Variants in PDE4D observed in about 807,000 individuals in gnomAD.
PDE4D encodes phosphodiesterase 4D.
In PDE4D, 24 loss-of-function variants were observed where a neutral mutation model predicts 87.4. That is an observed-to-expected ratio of 0.27 (90% CI 0.20 to 0.39). The LOEUF is 0.39. Ranked by LOEUF, PDE4D falls within the 10% of genes least tolerant of loss-of-function variation. PDE4D has a pLI of 1.00. For synonymous variants in PDE4D, 384 were observed against 383.2 expected (o/e 1.00, Z -0.02); for missense variants, 714 against 1,041.0 (o/e 0.69, Z 4.32).
At chr5:59,344,294 T>C (rs1405113559) in intron 1 of PDE4D, among the ~76,000 whole-genome samples, 1 of 152,204 alleles carries the variant, frequency 6.6e-6, no homozygotes, top group Admixed American at 6.5e-5. Flanking sequence ...GTCATAATGG[T>C]AAAGGGTGAG....
chr5:59,540,884 G>A (rs1414730948), intron 1 of PDE4D, among the ~76,000 whole-genome samples: 1 of 152,138 alleles, frequency 6.6e-6, no homozygotes, highest in Non-Finnish European at 1.5e-5. Flanking sequence ...GTGCTGAGAA[G>A]AGCAAGTTAA....
At chr5:59,272,451 C>T (rs961301750) in intron 1 of PDE4D, among the ~76,000 whole-genome samples, 13 of 152,048 alleles carry the variant, frequency 8.5e-5, no homozygotes, top group African/African-American at 2.4e-4. Flanking sequence ...AACAATTCTG[C>T]AATCAATGAA....
At chr5:59,770,729 A>T (rs146578861) in intron 1 of PDE4D, among the ~76,000 whole-genome samples, 1 of 152,182 alleles carries the variant, frequency 6.6e-6, no homozygotes, top group South Asian at 2.1e-4. Flanking sequence ...ATGGCAAAAA[A>T]AAATATTTTA....
At chr5:60,369,066 T>G (rs1163469260) in intron 1 of PDE4D, among the ~76,000 whole-genome samples, 2 of 152,004 alleles carry the variant, frequency 1.3e-5, no homozygotes, top group Non-Finnish European at 2.9e-5. Flanking sequence ...TTCTCTCCTC[T>G]GTGTTCTGCT....
At chr5:59,403,038 CTTCT>C (rs1430998747) in intron 1 of PDE4D, among the ~76,000 whole-genome samples, 2 of 151,468 alleles carry the variant, frequency 1.3e-5, no homozygotes, top group African/African-American at 4.9e-5. Flanking sequence ...TATATATTAC[CTTCT>C]TTATTTGATT....
chr5:59,875,377 C>T (rs940622363), intron 1 of PDE4D, among the ~76,000 whole-genome samples: 1 of 139,900 alleles, frequency 7.1e-6, no homozygotes, highest in Admixed American at 8.1e-5. Flanking sequence ...AGGAGAATCT[C>T]TTGAACCCAG....
intron 1 of PDE4D, among the ~76,000 whole-genome samples, chr5:59,627,434 T>C (rs1056173962): frequency 6.6e-6 from 1 of 152,238 alleles, no homozygotes; most frequent in Admixed American, 6.5e-5. Flanking sequence ...TCTAAGTTCA[T>C]TGCCACATGT....
At chr5:60,402,759 A>G (rs1413515207) in intron 1 of PDE4D, among the ~76,000 whole-genome samples, 2 of 152,202 alleles carry the variant, frequency 1.3e-5, no homozygotes, top group Non-Finnish European at 2.9e-5. Flanking sequence ...GATGTTTATA[A>G]ACCAGGTTGG....
chr5:59,100,139 T>G (rs1034254067), intron 5 of PDE4D, among the ~76,000 whole-genome samples: 1 of 152,204 alleles, frequency 6.6e-6, no homozygotes, highest in Admixed American at 6.5e-5. Context: ...TCACCCCTAC[T>G]CACAACACAG....
chr5:58,991,052 G>A (rs945770761), intron 8 of PDE4D, 150 bp from the exon 9 acceptor site: 15 of 568,294 alleles, frequency 2.6e-5, no homozygotes, highest in Non-Finnish European at 4.0e-5. Flanking sequence ...AGGCTGAGGC[G>A]GGCAGATCAC....
chr5:60,506,193 G>A (rs775823338), intron 1 of PDE4D, among the ~76,000 whole-genome samples: 4 of 152,184 alleles, frequency 2.6e-5, no homozygotes, highest in Admixed American at 2.0e-4. Flanking sequence ...TGTTCTGGAA[G>A]AACTGGAACA....
At chr5:59,172,248 TATA>T (rs1352364234) in intron 5 of PDE4D, among the ~76,000 whole-genome samples, 1 of 121,516 alleles carries the variant, frequency 8.2e-6, no homozygotes, top group Non-Finnish European at 1.6e-5. Context: ...GTATATAATA[TATA>T]ATAAATATAT....
chr5:60,009,841 G>A (rs1764846881), intron 2 of PDE4D, among the ~76,000 whole-genome samples: 1 of 152,064 alleles, frequency 6.6e-6, no homozygotes, highest in Non-Finnish European at 1.5e-5. Context: ...TAATTTTACT[G>A]AGTCATGTTG....
At chr5:59,832,137 A>G (rs1175176653) in intron 1 of PDE4D, among the ~76,000 whole-genome samples, 1 of 152,106 alleles carries the variant, frequency 6.6e-6, no homozygotes, top group East Asian at 1.9e-4. Flanking sequence ...CGAAAAATCA[A>G]ATGGCATTAG....
chr5:60,225,032 A>C (rs1744926946), intron 1 of PDE4D, among the ~76,000 whole-genome samples: 1 of 152,020 alleles, frequency 6.6e-6, no homozygotes, highest in African/African-American at 2.4e-5. Context: ...GTATTTTCCC[A>C]GGTACCACCT....
chr5:59,472,854 T>G (rs1802662386), intron 1 of PDE4D, among the ~76,000 whole-genome samples: 1 of 152,040 alleles, frequency 6.6e-6, no homozygotes, highest in Non-Finnish European at 1.5e-5. Context: ...AAAAGAACTT[T>G]GGACTAGAAA....
chr5:60,026,083 A>G (rs761819153), intron 2 of PDE4D, among the ~76,000 whole-genome samples: 2 of 152,226 alleles, frequency 1.3e-5, no homozygotes, highest in Non-Finnish European at 2.9e-5. Flanking sequence ...TGATAGTTTG[A>G]GAGTTGAATA....
intron 1 of PDE4D, among the ~76,000 whole-genome samples, chr5:59,262,381 T>C (rs748209207): frequency 2.0e-5 from 3 of 152,130 alleles, no homozygotes; most frequent in Middle Eastern, 6.8e-3. Flanking sequence ...AGAAAATGTT[T>C]CTGTACAATA....
At chr5:59,289,998 C>A (rs147473087) in intron 1 of PDE4D, among the ~76,000 whole-genome samples, 438 of 151,818 alleles carry the variant, frequency 2.9e-3, no homozygotes, top group Non-Finnish European at 4.6e-3. Flanking sequence ...TATCAACTAT[C>A]AAATACTAAT....
Sources: allele counts gnomAD v4.1 joint callset (sites outside exome capture counted in the v4.1 genomes callset), GRCh38; gene constraint gnomAD v4.1.1; transcripts MANE v1.5; gene names NCBI Gene and HGNC (gene_info 2026-07-23, HGNC 2026-07-21).